The following MLLT3 variants were observed in gnomAD, a reference collection of about 807,000 sequenced individuals.
MLLT3 encodes MLLT3 super elongation complex subunit.
A neutral mutation model predicts 53.2 loss-of-function variants in MLLT3; 4 were observed. The ratio of observed to expected loss-of-function variants is 0.08; its 90% CI spans 0.04 to 0.17. The LOEUF (loss-of-function observed/expected upper bound fraction) is 0.17, where lower values mean the gene tolerates loss of function less well. Ranked by LOEUF, MLLT3 falls within the 10% of genes least tolerant of loss-of-function variation. MLLT3 has a pLI of 1.00. For synonymous variants in MLLT3, 283 were observed against 230.6 expected (o/e 1.23, Z -2.06); for missense variants, 569 against 684.0 (o/e 0.83, Z 1.87).
At chr9:20,510,121 A>G (rs1186147047) in intron 2 of MLLT3, among the ~76,000 whole-genome samples, 1 of 152,224 alleles carries the variant, frequency 6.6e-6, no homozygotes, top group Non-Finnish European at 1.5e-5. Context: ...CACCACCACT[A>G]TCAAATGATA....
chr9:20,411,069 C>G (rs1264966013), intron 5 of MLLT3: 1 of 152,202 alleles, frequency 6.6e-6, no homozygotes, highest in African/African-American at 2.4e-5. Flanking sequence ...TACTCAGAGG[C>G]AGACACACAA....
rs543507768 is a variant in MLLT3, at chr9:20,557,443, G to C, written c.193+63211C>G. 2.0e-5 allele frequency among the ~76,000 whole-genome samples: 3 copies of C among 152,202 alleles called. 1 individual carries two copies. The highest frequency in any genetic ancestry group is 7.2e-5 in the African/African-American group (3 of 41,508). The stretch of plus-strand genomic sequence containing the variant: ...GTTGTAAACTGAATGAATTAATATA[G>C]CTAAAACCTTTAAAGCCCTGCTTGA... On this transcript the variant is annotated intron_variant, in intron 2 of 10. Coordinates refer to ENST00000380338, the MANE Select transcript of MLLT3 (RefSeq NM_004529.4).
At chr9:20,481,941 C>T (rs899394884) in intron 2 of MLLT3, among the ~76,000 whole-genome samples, 2 of 152,160 alleles carry the variant, frequency 1.3e-5, no homozygotes, top group Non-Finnish European at 2.9e-5. Flanking sequence ...TGGGTAGTAA[C>T]AAATACAGAG....
intron 2 of MLLT3, among the ~76,000 whole-genome samples, chr9:20,596,620 G>A (rs1382721266): frequency 6.6e-6 from 1 of 152,204 alleles, no homozygotes; most frequent in Admixed American, 6.5e-5. Flanking sequence ...GAGCCCAGGA[G>A]CTGGAGGTTG....
intron 4 of MLLT3, among the ~76,000 whole-genome samples, chr9:20,439,379 C>A (rs1823489360): frequency 7.2e-6 from 1 of 139,804 alleles, no homozygotes; most frequent in Non-Finnish European, 1.5e-5. Flanking sequence ...AAAACAGAAA[C>A]AAAATATTTA....
chr9:20,410,478 C>T (rs927657188), intron 5 of MLLT3: 2 of 152,004 alleles, frequency 1.3e-5, no homozygotes, highest in South Asian at 2.1e-4. Context: ...AAATTATTTG[C>T]CCAAGATCCC....
At chr9:20,364,653 T>C (rs1821404981) in intron 6 of MLLT3, among the ~76,000 whole-genome samples, 1 of 152,230 alleles carries the variant, frequency 6.6e-6, no homozygotes, top group Admixed American at 6.5e-5. Flanking sequence ...GACCTCTGAA[T>C]AGCCAAAACG....
intron 4 of MLLT3, among the ~76,000 whole-genome samples, chr9:20,447,031 C>G (rs1477468698): frequency 6.6e-6 from 1 of 152,042 alleles, no homozygotes; most frequent in African/African-American, 2.4e-5. Flanking sequence ...AGGACAGCAG[C>G]CTAGCAAAAC....
intron 2 of MLLT3, among the ~76,000 whole-genome samples, chr9:20,605,653 T>C (rs1017981067): frequency 6.6e-6 from 1 of 152,070 alleles, no homozygotes; most frequent in African/African-American, 2.4e-5. Flanking sequence ...GTATTTAACA[T>C]AATTCCAATC....
intron 5 of MLLT3, chr9:20,411,993 A>G (rs1822739843): frequency 6.6e-6 from 1 of 152,182 alleles, no homozygotes; most frequent in Non-Finnish European, 1.5e-5. Context: ...GCCATTACTT[A>G]CCCATACTAA....
intron 2 of MLLT3, among the ~76,000 whole-genome samples, chr9:20,495,635 T>C (rs929978671): frequency 8.5e-5 from 13 of 152,136 alleles, no homozygotes; most frequent in African/African-American, 3.1e-4. Flanking sequence ...TTTAATAACA[T>C]ACTGAAAATA....
At chr9:20,453,614 A>G (rs1486638450) in intron 3 of MLLT3, among the ~76,000 whole-genome samples, 36 of 152,186 alleles carry the variant, frequency 2.4e-4, no homozygotes, top group African/African-American at 7.2e-5. Flanking sequence ...CCTCTCCTCC[A>G]GTAACTAATG....
At chr9:20,450,017 G>A (rs553471621) in intron 3 of MLLT3, among the ~76,000 whole-genome samples, 1 of 152,320 alleles carries the variant, frequency 6.6e-6, no homozygotes, top group South Asian at 2.1e-4. Context: ...GTGTCCACAG[G>A]TTGACTTACG....
intron 2 of MLLT3, among the ~76,000 whole-genome samples, chr9:20,569,406 C>G (rs1269175238): frequency 6.6e-6 from 1 of 152,100 alleles, no homozygotes; most frequent in African/African-American, 2.4e-5. Context: ...ACCTTGAAAT[C>G]TAGGCTCATT....
intron 3 of MLLT3, among the ~76,000 whole-genome samples, chr9:20,452,006 A>G (rs1823850458): frequency 6.6e-6 from 1 of 152,202 alleles, no homozygotes; most frequent in Non-Finnish European, 1.5e-5. Context: ...CTGACAGCTC[A>G]AATAAATGAG....
In MLLT3 at chr9:20,614,650, AAC is replaced by A. The variant is rs200231181; in HGVS notation, c.193+6002_193+6003del. Reference sequence around the variant, plus strand: ...AAATATCTACAAATTAGAAAAAAAAAACATTTCATTTGTTTAAAAAAATGAAC... The same window carrying A: ...AAATATCTACAAATTAGAAAAAAAAAATTTCATTTGTTTAAAAAAATGAAC... On this transcript the variant is annotated intron_variant, in intron 2 of 10. Transcript: ENST00000380338. Among the ~76,000 whole-genome samples the A allele has an allele frequency of 4.0e-3, 603 of 152,292 alleles. 3 individuals carry two copies. Among genetic ancestry groups the A allele is most frequent in the African/African-American group, 0.013 (560 of 41,542 alleles).
chr9:20,508,777 A>AT (rs1172725971), intron 2 of MLLT3, among the ~76,000 whole-genome samples: 1 of 152,254 alleles, frequency 6.6e-6, no homozygotes, highest in Non-Finnish European at 1.5e-5. Context: ...TATAAACCCC[A>AT]TAGGTCCAGC....
At chr9:20,471,583 C>A (rs1197841462) in intron 2 of MLLT3, among the ~76,000 whole-genome samples, 1 of 152,028 alleles carries the variant, frequency 6.6e-6, no homozygotes, top group East Asian at 1.9e-4. Flanking sequence ...CTCAGATTCT[C>A]CTATCCATAA....
chr9:20,454,525 T>G (rs537565215), intron 3 of MLLT3, among the ~76,000 whole-genome samples: 1 of 152,280 alleles, frequency 6.6e-6, no homozygotes, highest in African/African-American at 2.4e-5. Context: ...CAAACTAACT[T>G]TGCTGGTGGG....
Sources: allele counts gnomAD v4.1 joint callset (sites outside exome capture counted in the v4.1 genomes callset), GRCh38; gene constraint gnomAD v4.1.1; transcripts MANE v1.5; gene names NCBI Gene and HGNC (gene_info 2026-07-23, HGNC 2026-07-21).